LRRC45: variants seen among roughly 807,000 people sequenced by gnomAD.
LRRC45 encodes the protein leucine rich repeat containing 45, also known as leucine-rich repeat-containing protein 45.
LRRC45 carries 73 observed loss-of-function variants against 85.4 expected under a neutral mutation model. The ratio of observed to expected loss-of-function variants is 0.85; its 90% CI spans 0.71 to 1.04. LRRC45 has a LOEUF of 1.04. Among genes scored for constraint, LRRC45 ranks in the 50% least tolerant of loss-of-function variants. The probability of loss-of-function intolerance (pLI) is 0.00; values close to 1 mark genes in which losing one functional copy is unlikely to be tolerated. For missense variants in LRRC45, 937 were observed against 883.3 expected (o/e 1.06, Z -0.77); for synonymous variants, 429 against 386.0 (o/e 1.11, Z -1.31).
chr17:82,026,023 G>T (rs576149697), intron 5 of LRRC45, among the ~76,000 whole-genome samples: 1 of 152,274 alleles, frequency 6.6e-6, no homozygotes, highest in Admixed American at 6.5e-5. Flanking sequence ...TGGGGACTTT[G>T]CCAGGCCCCC....
chr17:82,026,701 C>T, intron 5 of LRRC45, 198 bp from the exon 6 acceptor site: 1 of 425,756 alleles, frequency 2.3e-6, no homozygotes. Context: ...GCCTCAGCCT[C>T]CCGAGTACCT....
In LRRC45 at chr17:82,024,279, G is replaced by A. The variant is rs1338272120; in HGVS notation, c.222G>A (p.Gly74=). Residue 74 remains glycine (G), a splice_region_variant and synonymous_variant, in exon 2 of 17, where the codon GGG becomes GGA. Transcript: ENST00000306688. ...TGACCGCCGGCCCCCCTTACACAGG[G>A]GCCACACTGCTGCTCCGAGGCCTGT... ...VLSDCMLSEE[G]ATLLLRGLCA... 2 of 1,611,980 alleles carry A rather than the reference G, an allele frequency of 1.2e-6. No homozygotes were observed. Among genetic ancestry groups the A allele is most frequent in the Non-Finnish European group, 1.7e-6 (2 of 1,179,912 alleles).
chr17:82,028,528 C>T lies in LRRC45; in HGVS notation c.1237+20C>T. 1 of 1,611,600 alleles carries T rather than the reference C, an allele frequency of 6.2e-7. No homozygotes were observed. Among genetic ancestry groups the T allele is most frequent in the Non-Finnish European group, 8.5e-7 (1 of 1,179,248 alleles). On this transcript the variant is annotated intron_variant, in intron 11 of 16. Coordinates refer to ENST00000306688, the MANE Select transcript of LRRC45 (RefSeq NM_144999.4). ...CCGAGGGTGGGCACGGGCAGGCCTG[C>T]TGTGGAGGGGCCTGGGGATGGGCAC... is the stretch of plus-strand genomic sequence containing the variant.
In LRRC45 at chr17:82,028,298, T is replaced by C. The variant is rs559110270; in HGVS notation, c.1112T>C (p.Leu371Pro). 9 of 1,591,816 alleles carry C rather than the reference T, an allele frequency of 5.7e-6. No individual in the cohort carries two copies. The Admixed American group carries it at 1.1e-4, about 19-fold the overall frequency. The stretch of plus-strand genomic sequence containing the variant: ...TCTGCTGCCAATGAAAAGAACCTGC[T>C]TCTGCAAAACCAGGTAGCTGTGGTG... Reference protein sequence around the residue: ...DLSAANEKNLLLQNQVDELER... With the variant: ...DLSAANEKNLPLQNQVDELER... Residue 371 changes from leucine (L) to proline (P), a missense_variant, in exon 10 of 17, where the codon CTT becomes CCT. Leu to Pro is a moderately conservative substitution (Grantham distance 98). Coordinates refer to ENST00000306688, the MANE Select transcript of LRRC45 (RefSeq NM_144999.4).
chr17:82,027,951 G>A (rs2043383137), intron 8 of LRRC45, 60 bp from the exon 9 acceptor site: 1 of 1,551,834 alleles, frequency 6.4e-7, no homozygotes, highest in African/African-American at 1.4e-5. Context: ...AAGCAGCGAG[G>A]CCTTTATAAG....
At chr17:82,026,152 G>A (rs868801187) in intron 5 of LRRC45, among the ~76,000 whole-genome samples, 4 of 152,134 alleles carry the variant, frequency 2.6e-5, no homozygotes, top group South Asian at 4.1e-4. Flanking sequence ...GCTTCGCCTC[G>A]GCACTGCCCT....
At chr17:82,027,787 G>C (rs768733980) in intron 8 of LRRC45, 36 bp downstream of exon 8, 2 of 1,597,378 alleles carry the variant, frequency 1.3e-6, no homozygotes, top group Non-Finnish European at 8.5e-7. Flanking sequence ...CTTCAGAGAC[G>C]TGCCCACAGG....
chr17:82,024,319 C>G lies in LRRC45; in HGVS notation c.262C>G (p.Leu88Val). ...LLRGLCANTV[L>V]RFLDLKGNNL... ...CCGAGGCCTGTGTGCCAACACCGTG[C>G]TGCGCTTTCTGGACTTAAAGGTGAG... Residue 88 changes from leucine (L) to valine (V), a missense_variant, in exon 2 of 17, where the codon CTG becomes GTG. Coordinates refer to ENST00000306688, the MANE Select transcript of LRRC45 (RefSeq NM_144999.4). The G allele has an allele frequency of 2.5e-6, 4 of 1,612,464 alleles. No homozygotes were observed. Among genetic ancestry groups the G allele is most frequent in the Middle Eastern group, 1.7e-4 (1 of 6,060 alleles).
rs894668143 is a variant in LRRC45, at chr17:82,024,724, C to A, written c.314C>A (p.Ala105Asp). Residue 105 changes from alanine to aspartate, a missense_variant, in exon 3 of 17, where the codon GCT (alanine) becomes GAT (aspartate). By Grantham distance (126) the Ala-to-Asp change is moderately radical. Transcript: ENST00000306688. ...GNNLRAAGAE[A>D]LGKLLQQNKS... ...AACCTTCGGGCTGCAGGGGCCGAGG[C>A]TCTGGGAAAACTCCTCCAACAGAAC... is the stretch of plus-strand genomic sequence containing the variant. 4 of 1,577,792 alleles carry A rather than the reference C, an allele frequency of 2.5e-6. No individual in the cohort carries two copies. Among genetic ancestry groups the A allele is most frequent in the Non-Finnish European group, 2.6e-6 (3 of 1,166,014 alleles).
intron 12 of LRRC45, 168 bp from the exon 13 acceptor site, chr17:82,028,925 C>G: frequency 1.4e-6 from 1 of 719,274 alleles, no homozygotes; most frequent in East Asian, 2.7e-5. Flanking sequence ...CCCACTCGTT[C>G]AGGGTGTGCA....
intron 11 of LRRC45, 40 bp from the exon 12 acceptor site, chr17:82,028,573 G>A: frequency 6.2e-7 from 1 of 1,612,330 alleles, no homozygotes; most frequent in African/African-American, 1.3e-5. Flanking sequence ...GGGGCCCCCA[G>A]GGGATGCTCA....
intron 13 of LRRC45, 158 bp downstream of exon 13, chr17:82,029,343 G>A: frequency 1.1e-6 from 1 of 900,006 alleles, no homozygotes; most frequent in Non-Finnish European, 1.7e-6. Context: ...TGCCCAAGAA[G>A]CTAAAGGGAC....
In LRRC45 at chr17:82,028,263, CAG is replaced by C; in HGVS notation, c.1081_1082del (p.Asp361LeufsTer6). The C allele has an allele frequency of 6.3e-7, 1 of 1,580,474 alleles. No homozygotes were observed. Among genetic ancestry groups the C allele is most frequent in the Non-Finnish European group, 8.6e-7 (1 of 1,163,232 alleles). ...EAAERESKLL[R>X]DLSAANEKNL... ...CTGCAGAGCGGGAGTCTAAACTCCT[CAG>C]AGACTTGTCTGCTGCCAATGAAAAG... On this transcript the variant is annotated frameshift_variant, in exon 10 of 17. Coordinates refer to ENST00000306688, the MANE Select transcript of LRRC45 (RefSeq NM_144999.4). LOFTEE classifies it high-confidence loss of function.
intron 14 of LRRC45, 140 bp from the exon 15 acceptor site, chr17:82,029,925 C>A: frequency 9.1e-7 from 1 of 1,096,992 alleles, no homozygotes. Flanking sequence ...GAGGAGGTGG[C>A]TGCCAGGGGA....
chr17:82,024,363 G>A (rs747449583), intron 2 of LRRC45, 24 bp downstream of exon 2: 2 of 1,611,264 alleles, frequency 1.2e-6, no homozygotes, highest in East Asian at 2.2e-5. Flanking sequence ...ACTCTTGAGT[G>A]TCCGAGTGTG....
chr17:82,029,027 G>C, intron 12 of LRRC45, 66 bp from the exon 13 acceptor site: 1 of 1,433,920 alleles, frequency 7.0e-7, no homozygotes, highest in South Asian at 1.2e-5. Flanking sequence ...AGGGTGGGGA[G>C]TCCGTGAGGA....
chr17:82,024,308 C>T lies in LRRC45; in HGVS notation c.251C>T (p.Ala84Val). The change falls in exon 2 of 17, where the codon GCC (alanine) becomes GTC (valine). Residue 84 changes from alanine to valine, a missense_variant. Transcript: ENST00000306688. ...ACACTGCTGCTCCGAGGCCTGTGTG[C>T]CAACACCGTGCTGCGCTTTCTGGAC... is the stretch of plus-strand genomic sequence containing the variant. The part of the protein sequence containing the change: ...GATLLLRGLC[A>V]NTVLRFLDLK... 3 of 1,612,448 alleles carry T rather than the reference C, an allele frequency of 1.9e-6. No homozygotes were observed. Among genetic ancestry groups the T allele is most frequent in the Non-Finnish European group, 2.5e-6 (3 of 1,179,932 alleles).
chr17:82,024,819 G>C (rs375952981), intron 3 of LRRC45, 56 bp downstream of exon 3: 56 of 1,529,044 alleles, frequency 3.7e-5, no homozygotes, highest in Non-Finnish European at 4.7e-5. Context: ...GATTGGCCCC[G>C]AGCACATGCT....
rs1006868192 is a variant in LRRC45 at position 82,023,761 on chromosome 17, C to G, written c.118C>G (p.Gln40Glu). The change falls in exon 1 of 17, where the codon CAA (glutamine) becomes GAA (glutamate). Residue 40 changes from glutamine (Q) to glutamate (E), a missense_variant. Coordinates refer to ENST00000306688, the MANE Select transcript of LRRC45 (RefSeq NM_144999.4). ...CAGGGGCCGGCTGGACCTGGCCACG[C>G]AAAGCCTGACGGTGGAGACCTGCAG... ...LPRGRLDLAT[Q>E]SLTVETCRAL... 28 of 1,558,724 alleles carry G rather than the reference C, an allele frequency of 1.8e-5. No individual in the cohort carries two copies. The highest frequency in any genetic ancestry group is 2.4e-5 in the Non-Finnish European group (28 of 1,154,882).
Sources: allele counts gnomAD v4.1 joint callset (sites outside exome capture counted in the v4.1 genomes callset), GRCh38; gene constraint gnomAD v4.1.1; transcripts MANE v1.5; gene names NCBI Gene and HGNC (gene_info 2026-07-23, HGNC 2026-07-21).